Variants in MTCL1 observed in about 807,000 individuals in gnomAD.
MTCL1 encodes microtubule cross-linking factor 1.
MTCL1 carries 79 observed loss-of-function variants against 141.4 expected under a neutral mutation model. The ratio of observed to expected loss-of-function variants is 0.56; its 90% confidence interval spans 0.47 to 0.67. MTCL1 has a LOEUF of 0.67. Ranked by LOEUF, MTCL1 falls within the 30% of genes least tolerant of loss-of-function variation. The pLI, the probability that MTCL1 is intolerant of heterozygous loss-of-function variation, is 0.00. For missense variants in MTCL1, 2,177 were observed against 2,113.9 expected (o/e 1.03, Z -0.59); for synonymous variants, 914 against 875.8 (o/e 1.04, Z -0.77).
At chr18:8,776,211 C>CAA in intron 4 of MTCL1, among the ~76,000 whole-genome samples, 1 of 152,198 alleles carries the variant, frequency 6.6e-6, no homozygotes, top group African/African-American at 2.4e-5. Context: ...CAGTCTCTTT[C>CAA]CTTTCGCAGG....
intron 15 of MTCL1, 99 bp downstream of exon 14, chr18:8,826,331 A>G (rs769420976): frequency 1.9e-4 from 217 of 1,161,830 alleles, no homozygotes; most frequent in Admixed American, 8.7e-5. Flanking sequence ...ATTTGATCTC[A>G]GGAATCGTCC....
chr18:8,762,878 G>A (rs1271172350), intron 4 of MTCL1, among the ~76,000 whole-genome samples: 2 of 152,316 alleles, frequency 1.3e-5, no homozygotes, highest in East Asian at 1.9e-4. Flanking sequence ...TGTGGTGCCC[G>A]GCTCAGGCTT....
At chr18:8,784,010 C>A in exon 6 of MTCL1, 3 of 1,613,680 alleles carry the variant, frequency 1.9e-6, no homozygotes, top group Non-Finnish European at 1.7e-6. Flanking sequence ...AGACCACAAC[C>A]GGCAACTGAC....
chr18:8,793,451 A>G (rs955884033), intron 8 of MTCL1, among the ~76,000 whole-genome samples: 1 of 152,174 alleles, frequency 6.6e-6, no homozygotes, highest in African/African-American at 2.4e-5. Flanking sequence ...TGTGTCTGTC[A>G]CCTCTGCTGA....
At chr18:8,733,408 T>G (rs2096261006) in intron 4 of MTCL1, among the ~76,000 whole-genome samples, 1 of 152,104 alleles carries the variant, frequency 6.6e-6, no homozygotes. Context: ...CATTTTTTGT[T>G]TGTTTGTTTG....
intron 3 of MTCL1, among the ~76,000 whole-genome samples, chr18:8,719,821 T>C (rs1454539851): frequency 6.6e-6 from 1 of 152,176 alleles, no homozygotes; most frequent in Non-Finnish European, 1.5e-5. Flanking sequence ...TCTCCTTTCT[T>C]TGCCTCCCAA....
Position 8,830,089 on chromosome 18 carries a change from A to G in MTCL1, c.*18+1125A>G. On this transcript the variant is annotated intron_variant, in intron 16 of 16. Coordinates refer to ENST00000359865, the Ensembl canonical transcript of MTCL1. The surrounding 1 kb of genome is among the most constrained non-coding windows in gnomAD (Gnocchi z 6.4). Reference sequence around the variant, plus strand: ...ACAACACACACACTACTTCTATAACAAGGGGAGCGCAGACACAAAACACAC... The same window carrying G: ...ACAACACACACACTACTTCTATAACGAGGGGAGCGCAGACACAAAACACAC... The G allele has an allele frequency of 1.0e-6, 1 of 985,444 alleles. No homozygotes were observed. The highest frequency in any genetic ancestry group is 5.2e-4 in the Middle Eastern group (1 of 1,914). The allele number at this position is 985,444 out of a possible 1,614,324, so 61.0% of individuals were successfully genotyped here.
exon 15 of MTCL1, chr18:8,825,823 C>T (rs1321522414): frequency 1.9e-6 from 3 of 1,614,072 alleles, no homozygotes; most frequent in Admixed American, 1.7e-5. Flanking sequence ...GTGCACACCA[C>T]CATTAATGAT....
At chr18:8,753,298 A>T (rs1433665136) in intron 4 of MTCL1, among the ~76,000 whole-genome samples, 2 of 152,236 alleles carry the variant, frequency 1.3e-5, no homozygotes, top group Non-Finnish European at 2.9e-5. Flanking sequence ...TCAATTTTTT[A>T]AAAAATGGGA....
intron 4 of MTCL1, among the ~76,000 whole-genome samples, chr18:8,754,368 G>T (rs1043570483): frequency 6.6e-6 from 1 of 152,150 alleles, no homozygotes; most frequent in Non-Finnish European, 1.5e-5. Flanking sequence ...ACCGCGCCTG[G>T]CCTCTCCTTT....
At chr18:8,763,644 C>G (rs933883454) in intron 4 of MTCL1, among the ~76,000 whole-genome samples, 1 of 152,220 alleles carries the variant, frequency 6.6e-6, no homozygotes, top group African/African-American at 2.4e-5. Context: ...TCTCTCTCAG[C>G]CTTATTGCTC....
chr18:8,778,096 G>GCTGA, intron 5 of MTCL1: 1 of 467,482 alleles, frequency 2.1e-6, no homozygotes. Flanking sequence ...TCTCCCTCAC[G>GCTGA]CTGACAAGCT....
At chr18:8,712,703 G>A (rs1157792436), upstream of MTCL1, among the ~76,000 whole-genome samples, 3 of 152,180 alleles carry the variant, frequency 2.0e-5, no homozygotes, top group Non-Finnish European at 2.9e-5. Flanking sequence ...CCATCACCTG[G>A]TAGACAGTGG....
chr18:8,747,058 T>C (rs1043550234), intron 4 of MTCL1, among the ~76,000 whole-genome samples: 2 of 152,194 alleles, frequency 1.3e-5, no homozygotes, highest in African/African-American at 4.8e-5. Context: ...ATGTCCTGTG[T>C]TGGCCCGGCT....
At chr18:8,806,919 C>T (rs771493489) in exon 11 of MTCL1, 15 of 1,613,440 alleles carry the variant, frequency 9.3e-6, no homozygotes, top group African/African-American at 5.3e-5. Flanking sequence ...AGCTGTTCAG[C>T]GCCTTCAAGG....
At chr18:8,706,997 G>T in intron 1 of MTCL1, 1 of 410,808 alleles carries the variant, frequency 2.4e-6, no homozygotes, top group South Asian at 3.5e-5. Context: ...ACCTGTTGGG[G>T]CAGAGGAGGC....
chr18:8,737,949 G>T (rs1294615710), intron 4 of MTCL1, among the ~76,000 whole-genome samples: 1 of 152,168 alleles, frequency 6.6e-6, no homozygotes, highest in Non-Finnish European at 1.5e-5. Flanking sequence ...TGTCAGTCTC[G>T]CCGGAGTGTG....
At chr18:8,799,124 T>C (rs1446399463) in intron 10 of MTCL1, among the ~76,000 whole-genome samples, 1 of 152,212 alleles carries the variant, frequency 6.6e-6, no homozygotes, top group African/African-American at 2.4e-5. Flanking sequence ...GGCAGTCATA[T>C]GGGCGCGGCT....
chr18:8,829,533 A>G lies in MTCL1; in HGVS notation c.*18+569A>G, dbSNP rs1291392516. On this transcript the variant is annotated intron_variant, in intron 16 of 16. Transcript: ENST00000359865. ...ATATTTGTTGAATGAATAAACAACA[A>G]AATCATCCCCACTCCAAATATCTTG... 4 of 972,972 alleles carry G rather than the reference A, an allele frequency of 4.1e-6. No individual in the cohort carries two copies. In the African/African-American group the frequency reaches 5.3e-5, roughly 13 times the overall value. 60.3% of individuals were successfully genotyped at this position (972,972 alleles called of 1,614,324 possible).
Sources: gnomAD v4.1 joint callset for allele counts (sites outside exome capture counted in the v4.1 genomes callset) on GRCh38, gnomAD v4.1.1 for gene constraint, Gnocchi (gnomAD v3.1) non-coding constraint, MANE v1.5 for transcripts, NCBI Gene and HGNC (gene_info 2026-07-23, HGNC 2026-07-21) for gene names.